Variants in NBDY observed in about 807,000 individuals in gnomAD.
NBDY encodes the protein P-body dissociating protein.
chrX:56,756,908 T>C (rs1321733386), intron 2 of NBDY, among the ~76,000 whole-genome samples: 1 of 110,416 alleles, frequency 9.1e-6, no homozygotes, highest in African/African-American at 3.3e-5. Flanking sequence ...TGAGCCGAGA[T>C]TGCGCCACTC....
chrX:56,807,820 C>A (rs887464283), intron 2 of NBDY, among the ~76,000 whole-genome samples: 1 of 111,913 alleles, frequency 8.9e-6, no homozygotes, highest in Admixed American at 9.5e-5. Context: ...TTTCTCTTGC[C>A]TGATTGCCCT....
intron 2 of NBDY, among the ~76,000 whole-genome samples, chrX:56,813,675 A>G (rs1472402545): frequency 3.6e-5 from 4 of 111,400 alleles, no homozygotes; most frequent in Non-Finnish European, 7.5e-5. Flanking sequence ...CTGAATCACC[A>G]CTTGCGATGG....
rs749878376 is a variant in NBDY at position 56,743,014 on chromosome X, G to T, written c.*166+10815G>T. Among the ~76,000 whole-genome samples, 8 of 110,935 alleles carry T rather than the reference G, an allele frequency of 7.2e-5. No homozygotes were observed. The South Asian group carries it at 3.1e-3, about 42-fold the overall frequency. On this transcript the variant is annotated intron_variant, in intron 2 of 2. Transcript: ENST00000374922. ...GTATGTTCCTTCTATACCCATTTTTGAAGGTTTTTATCATGACGGCATGTT... is the reference window on the plus strand; with the variant it reads ...GTATGTTCCTTCTATACCCATTTTTTAAGGTTTTTATCATGACGGCATGTT...
intron 2 of NBDY, among the ~76,000 whole-genome samples, chrX:56,757,121 T>C (rs1602655044): frequency 8.9e-6 from 1 of 112,372 alleles, no homozygotes; most frequent in Non-Finnish European, 1.9e-5. Flanking sequence ...AATTAGAATA[T>C]ATTGCTAAAG....
At chrX:56,804,544 A>G (rs2069840003) in intron 2 of NBDY, among the ~76,000 whole-genome samples, 2 of 112,398 alleles carry the variant, frequency 1.8e-5, no homozygotes, top group Non-Finnish European at 3.8e-5. Context: ...ATACATGGGT[A>G]GCCAGGCCCC....
At chrX:56,787,839 C>T (rs948272921) in intron 2 of NBDY, among the ~76,000 whole-genome samples, 1 of 112,395 alleles carries the variant, frequency 8.9e-6, no homozygotes, top group African/African-American at 3.2e-5. Flanking sequence ...GAGTGGGTGG[C>T]CCCAGTGGCC....
At chrX:56,808,377 C>T (rs747650828) in intron 2 of NBDY, among the ~76,000 whole-genome samples, 2 of 111,686 alleles carry the variant, frequency 1.8e-5, no homozygotes, top group East Asian at 2.8e-4. Context: ...TCTGTGAATC[C>T]GTCTGGTCCT....
intron 2 of NBDY, among the ~76,000 whole-genome samples, chrX:56,733,140 G>A (rs984797304): frequency 1.9e-5 from 2 of 107,202 alleles, no homozygotes; most frequent in African/African-American, 3.4e-5. Context: ...TTTATATATA[G>A]TATTTTTATC....
chrX:56,788,665 GC>G (rs2069744267), intron 2 of NBDY, among the ~76,000 whole-genome samples: 1 of 111,777 alleles, frequency 8.9e-6, no homozygotes, highest in Non-Finnish European at 1.9e-5. Context: ...CCTTACTGTG[GC>G]CCCAGCCAAG....
intron 2 of NBDY, among the ~76,000 whole-genome samples, chrX:56,756,976 A>G (rs2069614706): frequency 8.9e-6 from 1 of 112,216 alleles, no homozygotes; most frequent in African/African-American, 3.2e-5. Flanking sequence ...AGAAAAGAAA[A>G]GAAAATGACC....
In NBDY at chrX:56,757,655, C is replaced by T. The variant is rs59303764; in HGVS notation, c.*166+25456C>T. Among the ~76,000 whole-genome samples, 448 of 109,319 alleles carry T rather than the reference C, an allele frequency of 4.1e-3. 1 individual carries two copies. The highest frequency in any genetic ancestry group is 0.015 in the African/African-American group (440 of 29,812). The allele number at this position is 109,319 out of a possible 115,157, so 94.9% of individuals were successfully genotyped here. On this transcript the variant is annotated intron_variant, in intron 2 of 2. Coordinates refer to ENST00000374922, the MANE Select transcript of NBDY (RefSeq NM_001348129.2). The stretch of plus-strand genomic sequence containing the variant: ...CATCATTCCTTCTAGATTATTCTCT[C>T]GGAAAGGGAAAAAGAAGAGAAGAGA...
At chrX:56,810,285 A>G (rs1409607254) in intron 2 of NBDY, among the ~76,000 whole-genome samples, 3 of 111,173 alleles carry the variant, frequency 2.7e-5, no homozygotes, top group Non-Finnish European at 5.6e-5. Flanking sequence ...CTGAATTTCA[A>G]TGTTGGCCTG....
At chrX:56,804,990 C>T (rs1048666981) in intron 2 of NBDY, among the ~76,000 whole-genome samples, 4 of 112,093 alleles carry the variant, frequency 3.6e-5, no homozygotes, top group Admixed American at 1.9e-4. Context: ...GCACTGGGAA[C>T]GTGCAGAGCT....
chrX:56,803,343 G>T (rs1309530639), intron 2 of NBDY, among the ~76,000 whole-genome samples: 1 of 111,929 alleles, frequency 8.9e-6, no homozygotes, highest in African/African-American at 3.2e-5. Context: ...TTCACTGGGA[G>T]GATAGGGGAC....
intron 2 of NBDY, among the ~76,000 whole-genome samples, chrX:56,742,008 G>A (rs1325146026): frequency 9.0e-6 from 1 of 111,486 alleles, no homozygotes; most frequent in Non-Finnish European, 1.9e-5. Context: ...TGATTTTTGT[G>A]TATGGCAAAA....
intron 2 of NBDY, among the ~76,000 whole-genome samples, chrX:56,744,310 G>A (rs2069545855): frequency 9.0e-6 from 1 of 111,559 alleles, no homozygotes; most frequent in African/African-American, 3.3e-5. Context: ...TGCAGCCGTT[G>A]GATGAAATGT....
At chrX:56,732,320 A>AT (rs1556000418) in intron 2 of NBDY, 121 bp downstream of exon 2, 4 of 278,353 alleles carry the variant, frequency 1.4e-5, no homozygotes, top group Middle Eastern at 9.7e-4. Context: ...AATTGAAACT[A>AT]TATTCTACAT....
chrX:56,764,893 G>A (rs1756653952), intron 2 of NBDY, among the ~76,000 whole-genome samples: 2 of 111,197 alleles, frequency 1.8e-5, no homozygotes, highest in South Asian at 7.6e-4. Flanking sequence ...CCGGGCTTGA[G>A]GGGCTGATGC....
chrX:56,739,260 ATATG>A (rs2069517661), intron 2 of NBDY, among the ~76,000 whole-genome samples: 8 of 80,473 alleles, frequency 9.9e-5, no homozygotes, highest in African/African-American at 1.1e-4. Flanking sequence ...ATATATATAT[ATATG>A]TATGTATATA....
Sources: allele counts gnomAD v4.1 joint callset (sites outside exome capture counted in the v4.1 genomes callset), GRCh38; gene constraint gnomAD v4.1.1; transcripts MANE v1.5; gene names NCBI Gene and HGNC (gene_info 2026-07-23, HGNC 2026-07-21).